EXOC6B: variants seen among roughly 807,000 people sequenced by gnomAD.
EXOC6B encodes exocyst complex component 6B.
A neutral mutation model predicts 113.5 loss-of-function variants in EXOC6B; 54 were observed. The observed-to-expected ratio is 0.48, with a 90% CI of 0.38 to 0.60. The LOEUF is 0.60. EXOC6B is among the 20% of genes least tolerant of loss of function. EXOC6B has a pLI of 0.00. For synonymous variants in EXOC6B, 357 were observed against 339.0 expected (o/e 1.05, Z -0.58); for missense variants, 797 against 977.5 (o/e 0.82, Z 2.46).
chr2:72,186,216 GTCTTTA>G (rs1678426254), intron 20 of EXOC6B, among the ~76,000 whole-genome samples: 1 of 152,178 alleles, frequency 6.6e-6, no homozygotes, highest in South Asian at 2.1e-4. Context: ...GTGTGCATGT[GTCTTTA>G]TAGCAGCATG....
intron 6 of EXOC6B, among the ~76,000 whole-genome samples, chr2:72,652,535 A>G (rs1674256039): frequency 2.0e-5 from 3 of 151,936 alleles, no homozygotes; most frequent in African/African-American, 7.2e-5. Flanking sequence ...AGATTCTGAC[A>G]TTAGTTATTT....
chr2:72,456,271 C>T (rs768151642), intron 18 of EXOC6B, among the ~76,000 whole-genome samples: 72 of 152,076 alleles, frequency 4.7e-4, no homozygotes, highest in African/African-American at 1.6e-3. Flanking sequence ...TCAACCTAAG[C>T]AAACTTTTGG....
chr2:72,799,892 C>T (rs1685187885), intron 1 of EXOC6B, among the ~76,000 whole-genome samples: 7 of 152,004 alleles, frequency 4.6e-5, no homozygotes, highest in Admixed American at 3.9e-4. Context: ...TGGCAAAACC[C>T]CATCTCTACA....
intron 18 of EXOC6B, among the ~76,000 whole-genome samples, chr2:72,440,024 G>A (rs751053376): frequency 1.3e-5 from 2 of 152,036 alleles, no homozygotes; most frequent in Admixed American, 6.6e-5. Flanking sequence ...GCTGAGAAAC[G>A]CAAAGATAGC....
At chr2:72,362,191 T>C (rs2104987239) in intron 19 of EXOC6B, among the ~76,000 whole-genome samples, 1 of 152,288 alleles carries the variant, frequency 6.6e-6, no homozygotes, top group South Asian at 2.1e-4. Context: ...CTATCCCTCC[T>C]TTTCATGGAT....
chr2:72,560,704 CAAAGATT>C (rs1703842995), intron 7 of EXOC6B, among the ~76,000 whole-genome samples: 1 of 151,958 alleles, frequency 6.6e-6, no homozygotes, highest in African/African-American at 2.4e-5. Context: ...CCCATGAGAG[CAAAGATT>C]AAATCTCTAT....
intron 18 of EXOC6B, among the ~76,000 whole-genome samples, chr2:72,460,735 T>C (rs1053955637): frequency 1.3e-5 from 2 of 152,028 alleles, no homozygotes. Flanking sequence ...TGTGAAGAAA[T>C]AGGAACACTT....
intron 6 of EXOC6B, among the ~76,000 whole-genome samples, chr2:72,716,458 G>A (rs1394553999): frequency 6.6e-6 from 1 of 151,946 alleles, no homozygotes; most frequent in Non-Finnish European, 1.5e-5. Context: ...TTTTTAATGT[G>A]TTAACATAAC....
chr2:72,720,377 T>C (rs528157791), intron 5 of EXOC6B, among the ~76,000 whole-genome samples: 31 of 152,112 alleles, frequency 2.0e-4, no homozygotes, highest in Non-Finnish European at 3.8e-4. Flanking sequence ...CTACATATTG[T>C]CTACAAGAAA....
At chr2:72,368,168 A>G (rs943449617) in intron 19 of EXOC6B, among the ~76,000 whole-genome samples, 2 of 152,148 alleles carry the variant, frequency 1.3e-5, no homozygotes, top group Non-Finnish European at 2.9e-5. Context: ...GAACAGAATA[A>G]TGATACAGGG....
chr2:72,687,006 C>T (rs1573623166), intron 6 of EXOC6B, among the ~76,000 whole-genome samples: 1 of 151,816 alleles, frequency 6.6e-6, no homozygotes, highest in East Asian at 1.9e-4. Flanking sequence ...GGCGTGGTGG[C>T]GGGCGCCTGT....
intron 1 of EXOC6B, among the ~76,000 whole-genome samples, chr2:72,822,358 GCTA>G (rs1686629668): frequency 6.6e-6 from 1 of 152,174 alleles, no homozygotes; most frequent in Non-Finnish European, 1.5e-5. Flanking sequence ...AAAAGAGTTT[GCTA>G]GGCAACACCC....
chr2:72,816,930 C>A (rs769174704), intron 1 of EXOC6B, among the ~76,000 whole-genome samples: 1 of 152,174 alleles, frequency 6.6e-6, no homozygotes, highest in Non-Finnish European at 1.5e-5. Flanking sequence ...GCTAACTGAA[C>A]CAAATCAACA....
intron 18 of EXOC6B, among the ~76,000 whole-genome samples, chr2:72,395,070 A>T (rs761785895): frequency 2.0e-5 from 3 of 152,168 alleles, no homozygotes; most frequent in Non-Finnish European, 4.4e-5. Flanking sequence ...GAGAAAAGAA[A>T]AAAAGGAAAA....
At position 72,592,227 on chromosome 2, in the gene EXOC6B, G is replaced by A. The variant is rs555475685; in HGVS notation, c.670-16559C>T. On this transcript the variant is annotated intron_variant, in intron 6 of 21. Transcript: ENST00000272427. Reference sequence around the variant, plus strand: ...ATCCAGGAAAGGAAAGTGGGGAAGAGAGACCAATATTTGTAGCCATTCTTC... The same window carrying A: ...ATCCAGGAAAGGAAAGTGGGGAAGAAAGACCAATATTTGTAGCCATTCTTC... Among the ~76,000 whole-genome samples, 23 of 152,284 alleles carry A rather than the reference G, an allele frequency of 1.5e-4. No individual in the cohort carries two copies. The South Asian group carries it at 4.1e-3, about 27-fold the overall frequency.
chr2:72,364,937 G>T (rs956541999), intron 19 of EXOC6B, among the ~76,000 whole-genome samples: 5 of 152,084 alleles, frequency 3.3e-5, no homozygotes, highest in Non-Finnish European at 7.4e-5. Flanking sequence ...AAAATTCAGA[G>T]AAGGATGACT....
chr2:72,301,643 C>A (rs542931395), intron 20 of EXOC6B, among the ~76,000 whole-genome samples: 1 of 152,068 alleles, frequency 6.6e-6, no homozygotes, highest in Non-Finnish European at 1.5e-5. Flanking sequence ...TACAGGTGTT[C>A]GTAGTAGTCT....
At chr2:72,650,215 T>G (rs1425527283) in intron 6 of EXOC6B, among the ~76,000 whole-genome samples, 1 of 152,196 alleles carries the variant, frequency 6.6e-6, no homozygotes, top group Non-Finnish European at 1.5e-5. Flanking sequence ...AATAGTTTCA[T>G]CCCGAAACCA....
intron 20 of EXOC6B, among the ~76,000 whole-genome samples, chr2:72,191,263 T>G (rs1678814825): frequency 6.6e-6 from 1 of 152,248 alleles, no homozygotes; most frequent in South Asian, 2.1e-4. Context: ...GACTCTTAAC[T>G]AGGGCTTTGG....
Sources: allele counts gnomAD v4.1 joint callset (sites outside exome capture counted in the v4.1 genomes callset), GRCh38; gene constraint gnomAD v4.1.1; transcripts MANE v1.5; gene names NCBI Gene and HGNC (gene_info 2026-07-23, HGNC 2026-07-21).